Variants in ABAT observed in about 807,000 individuals in gnomAD.
ABAT encodes 4-aminobutyrate aminotransferase.
A neutral mutation model predicts 64.6 loss-of-function variants in ABAT; 45 were observed. That is an observed-to-expected ratio of 0.70 (90% CI 0.55 to 0.89). ABAT has a LOEUF of 0.89. Ranked by LOEUF, ABAT falls within the 40% of genes least tolerant of loss-of-function variation. ABAT has a pLI of 0.00. For synonymous variants in ABAT, 297 were observed against 250.5 expected (o/e 1.19, Z -1.75); for missense variants, 633 against 658.4 (o/e 0.96, Z 0.42).
At chr16:8,675,490 C>T (rs547722627) in intron 1 of ABAT, among the ~76,000 whole-genome samples, 50 of 152,210 alleles carry the variant, frequency 3.3e-4, no homozygotes, top group African/African-American at 1.2e-3. Flanking sequence ...TAGTAACCCC[C>T]TGCACCATCC....
chr16:8,725,459 C>G (rs895822527), intron 1 of ABAT, among the ~76,000 whole-genome samples: 1 of 152,254 alleles, frequency 6.6e-6, no homozygotes, highest in East Asian at 1.9e-4. Context: ...TAAATGGATT[C>G]GTAGACTATG....
chr16:8,686,378 C>A lies in ABAT; in HGVS notation c.-42+11667C>A, dbSNP rs572750534. On this transcript the variant is annotated intron_variant, in intron 1 of 15. Coordinates refer to ENST00000268251, the MANE Select transcript of ABAT (RefSeq NM_020686.6). Reference sequence around the variant, plus strand: ...ACACAGAAGAGTGTGGACATTCTGACCTGGGGACAGGTTCCAGGAGGGATT... The same window carrying A: ...ACACAGAAGAGTGTGGACATTCTGAACTGGGGACAGGTTCCAGGAGGGATT... Among the ~76,000 whole-genome samples the A allele has an allele frequency of 3.3e-5, 5 of 152,292 alleles. No homozygotes were observed. In the South Asian group the frequency reaches 1.0e-3, roughly 32 times the overall value.
At chr16:8,745,642 G>A (rs191035974) in intron 2 of ABAT, among the ~76,000 whole-genome samples, 11 of 152,116 alleles carry the variant, frequency 7.2e-5, no homozygotes, top group Admixed American at 3.3e-4. Flanking sequence ...GGGGTGCAGT[G>A]AGCCTTGTTG....
At chr16:8,744,122 T>C (rs1057449478) in intron 2 of ABAT, among the ~76,000 whole-genome samples, 1 of 152,150 alleles carries the variant, frequency 6.6e-6, no homozygotes, top group Non-Finnish European at 1.5e-5. Context: ...AAACAAATGA[T>C]GGGTGACCAT....
chr16:8,735,872 T>C, intron 2 of ABAT, 63 bp downstream of exon 2: 2 of 1,445,462 alleles, frequency 1.4e-6, no homozygotes, highest in African/African-American at 1.4e-5. Context: ...GACTAGGGAT[T>C]CCTGGGCTGG....
Position 8,742,808 on chromosome 16 carries a change from A to G in ABAT, c.71-3193A>G, listed in dbSNP as rs543857207. 4.9e-4 allele frequency among the ~76,000 whole-genome samples: 73 copies of G among 148,844 alleles called. No homozygotes were observed. The South Asian group carries it at 0.015, about 31-fold the overall frequency. Reference sequence around the variant, plus strand: ...TTGAAACCGGGATGCAGAGGTTGCAATGAGCTGAGATCGCACCACTGCATT... The same window carrying G: ...TTGAAACCGGGATGCAGAGGTTGCAGTGAGCTGAGATCGCACCACTGCATT... On this transcript the variant is annotated intron_variant, in intron 2 of 15. Coordinates refer to ENST00000268251, the MANE Select transcript of ABAT (RefSeq NM_020686.6).
chr16:8,715,633 T>TAAAAAAAAAAAAAAAAAAAAAA (rs61191788), intron 1 of ABAT: 1 of 81,530 alleles, frequency 1.2e-5, no homozygotes, highest in Non-Finnish European at 2.3e-5. Context: ...ACCCTGTCTC[T>TAAAAAAAAAAAAAAAAAAAAAA]AAAAAAAAAA....
At chr16:8,747,296 A>G (rs2059361441) in intron 3 of ABAT, among the ~76,000 whole-genome samples, 1 of 152,182 alleles carries the variant, frequency 6.6e-6, no homozygotes, top group South Asian at 2.1e-4. Context: ...CACATTTTGC[A>G]TATTTTGTCC....
At chr16:8,674,921 G>A (rs2057159513) in intron 1 of ABAT, among the ~76,000 whole-genome samples, 1 of 152,042 alleles carries the variant, frequency 6.6e-6, no homozygotes, top group Admixed American at 6.5e-5. Flanking sequence ...TCAGAAATGG[G>A]CCCTTCCTCC....
At chr16:8,714,641 G>T (rs888709712) in intron 1 of ABAT, 2 of 152,550 alleles carry the variant, frequency 1.3e-5, no homozygotes, top group Non-Finnish European at 2.9e-5. Context: ...TGCAGTTGGT[G>T]TGTGCAAGCT....
intron 10 of ABAT, 56 bp from the exon 11 acceptor site, chr16:8,768,769 C>T (rs905352747): frequency 5.6e-5 from 91 of 1,611,854 alleles, no homozygotes; most frequent in African/African-American, 8.0e-5. Context: ...TTTACAAAGA[C>T]GGTACTGCCT....
intron 15 of ABAT, 43 bp downstream of exon 15, chr16:8,779,633 T>C (rs763097029): frequency 6.6e-7 from 1 of 1,522,490 alleles, no homozygotes; most frequent in Admixed American, 1.7e-5. Flanking sequence ...GAGCATCCAG[T>C]ATCTCCTGCT....
intron 2 of ABAT, among the ~76,000 whole-genome samples, chr16:8,742,978 C>A (rs1369930943): frequency 2.2e-5 from 3 of 134,338 alleles, no homozygotes; most frequent in African/African-American, 5.5e-5. Flanking sequence ...CAACGCCAGG[C>A]TGGGCAACAT....
In ABAT at chr16:8,764,845, AC is replaced by A; in HGVS notation, c.540+16del. On this transcript the variant is annotated intron_variant, in intron 8 of 15. Coordinates refer to ENST00000268251, the MANE Select transcript of ABAT (RefSeq NM_020686.6). This position sits in a 1 kb window ranked among gnomAD's most constrained non-coding sequence, Gnocchi z 4.2. ...TGTGGTACCGGGTGAGGTTTGGGGC[AC>A]ACACACACACACACACACAGGCTCC... 1 of 663,186 alleles carries A rather than the reference AC, an allele frequency of 1.5e-6. No homozygotes were observed. Among genetic ancestry groups the A allele is most frequent in the Non-Finnish European group, 2.1e-6 (1 of 483,586 alleles). 41.1% of individuals were successfully genotyped at this position (663,186 alleles called of 1,614,324 possible).
chr16:8,768,855 T>C lies in ABAT; in HGVS notation c.698T>C (p.Ile233Thr). The C allele has an allele frequency of 6.2e-7, 1 of 1,614,184 alleles. No individual in the cohort carries two copies. Among genetic ancestry groups the C allele is most frequent in the Non-Finnish European group, 8.5e-7 (1 of 1,180,042 alleles). The change falls in exon 11 of 16, where the codon ATT becomes ACT. Residue 233 changes from isoleucine to threonine, a missense_variant. Physicochemically the swap from Ile to Thr is moderately conservative, Grantham distance 89. Coordinates refer to ENST00000268251, the MANE Select transcript of ABAT (RefSeq NM_020686.6). ...GCLATTHSKA[I>T]HKIDIPSFDW... ...TTAGCGACCACGCACTCTAAAGCCA[T>C]TCACAAGATCGACATCCCTTCCTTT... is the stretch of plus-strand genomic sequence containing the variant.
chr16:8,754,702 C>CTTTCTTTCTTTCTTTT (rs2059599321), intron 5 of ABAT, among the ~76,000 whole-genome samples: 1 of 26,078 alleles, frequency 3.8e-5, no homozygotes, highest in Admixed American at 4.2e-4. Flanking sequence ...TTCTTTCTTT[C>CTTTCTTTCTTTCTTTT]TTTCTTTCTT....
rs559918574 is a variant in ABAT at position 8,704,872 on chromosome 16, T to TG, written c.-42+30167dup. Among the ~76,000 whole-genome samples the TG allele has an allele frequency of 2.8e-3, 425 of 152,194 alleles. 3 individuals are homozygous for TG. The highest frequency in any genetic ancestry group is 6.1e-3 in the African/African-American group (255 of 41,524). ...AAAAATTTTTAAATTTTTGTACAAA[T>TG]GGGGGGTCTCACTATGTTGCCCAGG... On this transcript the variant is annotated intron_variant, in intron 1 of 15. Transcript: ENST00000268251.
In ABAT at chr16:8,769,031, C is replaced by G. The variant is rs1003471516; in HGVS notation, c.816+58C>G. On this transcript the variant is annotated intron_variant, in intron 11 of 15. Transcript: ENST00000268251. ...CACCAGTCCTGTTGCTCTTGCCGCC[C>G]CAAGACTTGGGGAGAAGAGAAACAG... 1.6e-5 allele frequency: 25 copies of G among 1,609,432 alleles called. No homozygotes were observed. In the African/African-American group the frequency reaches 2.9e-4, roughly 19 times the overall value.
At position 8,744,125 on chromosome 16, in the gene ABAT, G is replaced by A. The variant is rs1309367360; in HGVS notation, c.71-1876G>A. 2.6e-5 allele frequency among the ~76,000 whole-genome samples: 4 copies of A among 152,112 alleles called. No individual in the cohort carries two copies. In the East Asian group the frequency reaches 5.8e-4, roughly 22 times the overall value. ...TGAAATGCATTCAAACAAATGATGGGTGACCATGTATTAGTCTGTTCCCGC... is the reference window on the plus strand; with the variant it reads ...TGAAATGCATTCAAACAAATGATGGATGACCATGTATTAGTCTGTTCCCGC... On this transcript the variant is annotated intron_variant, in intron 2 of 15. Coordinates refer to ENST00000268251, the MANE Select transcript of ABAT (RefSeq NM_020686.6).
Sources: allele counts gnomAD v4.1 joint callset (sites outside exome capture counted in the v4.1 genomes callset), GRCh38; gene constraint gnomAD v4.1.1; non-coding constraint Gnocchi (gnomAD v3.1); transcripts MANE v1.5; gene names NCBI Gene and HGNC (gene_info 2026-07-23, HGNC 2026-07-21).